Variants in CLEC16A observed in about 807,000 individuals in gnomAD.
The protein encoded by CLEC16A is C-type lectin domain containing 16A, also known as protein CLEC16A.
A neutral mutation model predicts 109.5 loss-of-function variants in CLEC16A; 51 were observed. The ratio of observed to expected loss-of-function variants is 0.47; its 90% confidence interval spans 0.37 to 0.59. The LOEUF (loss-of-function observed/expected upper bound fraction) is 0.59. Ranked by LOEUF, CLEC16A falls within the 20% of genes least tolerant of loss-of-function variation. The pLI, the probability that CLEC16A is intolerant of heterozygous loss-of-function variation, is 0.00. For missense variants in CLEC16A, 1,339 were observed against 1,394.0 expected, an observed-to-expected ratio of 0.96 and a Z score of 0.63; for synonymous variants, 673 against 564.2, an observed-to-expected ratio of 1.19 and a Z score of -2.73.
Position 11,123,774 on chromosome 16 carries a change from C to T in CLEC16A, c.2301C>T (p.Ser767=). ...DMQVTGVEDD[S]RALNITIHKP... ...AGGTGACTGGCGTGGAGGACGACAG[C>T]CGTGCCCTGAACATCACCATCCACA... The change falls in exon 21 of 24, where the codon AGC becomes AGT. Residue 767 remains serine (S), a synonymous_variant. Coordinates refer to ENST00000409790, the MANE Select transcript of CLEC16A (RefSeq NM_015226.3). 6 of 1,614,056 alleles carry T rather than the reference C, an allele frequency of 3.7e-6. No individual in the cohort carries two copies. Among genetic ancestry groups the T allele is most frequent in the Non-Finnish European group, 5.1e-6 (6 of 1,179,900 alleles).
intron 13 of CLEC16A, chr16:11,027,237 C>G: frequency 2.6e-6 from 4 of 1,526,934 alleles, no homozygotes; most frequent in Non-Finnish European, 3.6e-6. Context: ...TCTCAGACGA[C>G]TAGAAGTGAA....
At chr16:10,963,696 G>A (rs962037789) in intron 3 of CLEC16A, among the ~76,000 whole-genome samples, 6 of 152,194 alleles carry the variant, frequency 3.9e-5, no homozygotes, top group Admixed American at 2.6e-4. Flanking sequence ...TGAGAGGCAG[G>A]TGCCATCAGT....
At chr16:10,992,346 A>G (rs771145623) in intron 10 of CLEC16A, among the ~76,000 whole-genome samples, 2 of 151,936 alleles carry the variant, frequency 1.3e-5, no homozygotes, top group Non-Finnish European at 2.9e-5. Flanking sequence ...TATGAGATCA[A>G]CTTTGTTTAG....
At chr16:11,043,972 G>A (rs960072849) in intron 15 of CLEC16A, 56 bp from the exon 16 acceptor site, 13 of 1,448,044 alleles carry the variant, frequency 9.0e-6, no homozygotes, top group African/African-American at 2.8e-5. Context: ...TAGTTTGCCC[G>A]ACTTGCTCAC....
At chr16:11,044,866 C>T (rs377413663) in intron 16 of CLEC16A, among the ~76,000 whole-genome samples, 116 of 147,594 alleles carry the variant, frequency 7.9e-4, no homozygotes, top group African/African-American at 2.9e-3. Flanking sequence ...GCAGAGATTG[C>T]GGCGAGCCAA....
chr16:10,971,008 ATTTTTT>A, intron 4 of CLEC16A, 111 bp from the exon 5 acceptor site: 2 of 506,586 alleles, frequency 3.9e-6, no homozygotes, highest in Admixed American at 3.7e-5. Context: ...CATTGGCAAC[ATTTTTT>A]TTTTTTTTTT....
chr16:11,179,465 A>G lies in CLEC16A; in HGVS notation c.*775A>G, dbSNP rs2068891154. 1 of 152,240 alleles carries G rather than the reference A, an allele frequency of 6.6e-6. No individual in the cohort carries two copies. Among genetic ancestry groups the G allele is most frequent in the Admixed American group, 6.5e-5 (1 of 15,284 alleles). 9.4% of individuals were successfully genotyped at this position (152,240 alleles called of 1,614,324 possible). A position where few individuals can be genotyped will look rare whatever the true frequency, so the allele number is the denominator to read the frequency against. On this transcript the variant is annotated 3_prime_UTR_variant, in exon 24 of 24. Coordinates refer to ENST00000409790, the MANE Select transcript of CLEC16A (RefSeq NM_015226.3). The stretch of plus-strand genomic sequence containing the variant: ...GTACACACAGAGCTGAGAGGGCTGA[A>G]TGGTTTTCTGCTATAGCAGCCGAGA...
intron 18 of CLEC16A, among the ~76,000 whole-genome samples, chr16:11,053,255 A>G (rs1439300174): frequency 6.6e-6 from 1 of 152,180 alleles, no homozygotes; most frequent in Non-Finnish European, 1.5e-5. Flanking sequence ...ATGAACACAT[A>G]GCCTCTGTTA....
intron 19 of CLEC16A, among the ~76,000 whole-genome samples, chr16:11,063,437 C>T (rs2048598300): frequency 6.6e-6 from 1 of 151,974 alleles, no homozygotes; most frequent in African/African-American, 2.4e-5. Context: ...TTGCTTGCTG[C>T]ATGACTGGAA....
intron 22 of CLEC16A, chr16:11,156,717 G>C: frequency 1.6e-6 from 2 of 1,256,928 alleles, no homozygotes; most frequent in Non-Finnish European, 2.1e-6. Context: ...GGCTGGGCGA[G>C]GCAGGGACTG....
chr16:10,946,896 G>A (rs2041410606), intron 1 of CLEC16A, among the ~76,000 whole-genome samples: 1 of 152,180 alleles, frequency 6.6e-6, no homozygotes, highest in Non-Finnish European at 1.5e-5. Flanking sequence ...GGGTACCAGA[G>A]GCAGGATTTG....
At position 11,174,835 on chromosome 16, in the gene CLEC16A, C is replaced by T. The variant is rs993161439; in HGVS notation, c.2807-3500C>T. On this transcript the variant is annotated intron_variant, in intron 23 of 23. Coordinates refer to ENST00000409790, the MANE Select transcript of CLEC16A (RefSeq NM_015226.3). This position sits in a 1 kb window ranked among gnomAD's most constrained non-coding sequence, Gnocchi z 4.7. ...TCATAGACACATGGATGGATGTGGC[C>T]CCACCATCTCCCTTTCTGAGTGGCA... 9.7e-4 allele frequency among the ~76,000 whole-genome samples: 148 copies of T among 152,338 alleles called. No homozygotes were observed. The highest frequency in any genetic ancestry group is 3.2e-3 in the African/African-American group (133 of 41,582).
chr16:11,081,521 T>C (rs1349290366), intron 19 of CLEC16A, among the ~76,000 whole-genome samples: 1 of 152,042 alleles, frequency 6.6e-6, no homozygotes. Context: ...CCTTTCCTTT[T>C]TGCACTAAAA....
Position 11,178,622 on chromosome 16 carries a change from G to A in CLEC16A, c.3094G>A (p.Ala1032Thr), listed in dbSNP as rs74163631. Reference protein sequence around the residue: ...TGMPPLSTPAAACTEPVGEEA... With the variant: ...TGMPPLSTPATACTEPVGEEA... The stretch of plus-strand genomic sequence containing the variant: ...CATGCCCCCGCTGTCCACGCCGGCT[G>A]CCGCCTGCACAGAGCCCGTGGGCGA... The change falls in exon 24 of 24, where the codon GCC becomes ACC. Residue 1032 changes from alanine to threonine, a missense_variant. Transcript: ENST00000409790. This position sits in a 1 kb window ranked among gnomAD's most constrained non-coding sequence, Gnocchi z 6.5. 1.1e-4 allele frequency: 181 copies of A among 1,599,016 alleles called. 1 individual carries two copies. Among genetic ancestry groups the A allele is most frequent in the Admixed American group, 2.2e-4 (13 of 59,342 alleles).
Position 11,174,843 on chromosome 16 carries a change from C to T in CLEC16A, c.2807-3492C>T, listed in dbSNP as rs561220963. On this transcript the variant is annotated intron_variant, in intron 23 of 23. Coordinates refer to ENST00000409790, the MANE Select transcript of CLEC16A (RefSeq NM_015226.3). The surrounding 1 kb of genome is among the most constrained non-coding windows in gnomAD (Gnocchi z 4.7). ...ACATGGATGGATGTGGCCCCACCAT[C>T]TCCCTTTCTGAGTGGCACCCACACA... Among the ~76,000 whole-genome samples the T allele has an allele frequency of 2.0e-5, 3 of 152,366 alleles. No individual in the cohort carries two copies. The highest frequency in any genetic ancestry group is 6.5e-5 in the Admixed American group (1 of 15,310).
chr16:11,181,131 A>C lies in CLEC16A; in HGVS notation c.*2441A>C, dbSNP rs982682030. On this transcript the variant is annotated 3_prime_UTR_variant, in exon 24 of 24. Transcript: ENST00000409790. ...GCTTATGTAAGGAGGTCTGGGAGCC[A>C]GCCCATTGGAGGCCACCAGCCATTT... 6 of 152,204 alleles carry C rather than the reference A, an allele frequency of 3.9e-5. No individual in the cohort carries two copies. The highest frequency in any genetic ancestry group is 1.2e-4 in the African/African-American group (5 of 41,388). The allele number at this position is 152,204 out of a possible 1,614,324, so 9.4% of individuals were successfully genotyped here. A position where few individuals can be genotyped will look rare whatever the true frequency, so the allele number is the denominator to read the frequency against.
At chr16:11,167,326 G>C (rs77309215) in intron 23 of CLEC16A, among the ~76,000 whole-genome samples, 8,395 of 152,180 alleles carry the variant, frequency 0.055, 322 homozygotes, top group Non-Finnish European at 0.083. Flanking sequence ...GGGTCGGGGG[G>C]TCACACCAAC....
chr16:10,967,140 G>T (rs1048320965), intron 3 of CLEC16A, among the ~76,000 whole-genome samples: 1 of 152,120 alleles, frequency 6.6e-6, no homozygotes, highest in African/African-American at 2.4e-5. Flanking sequence ...AGTGCACAGT[G>T]GCTTTTCTGA....
intron 19 of CLEC16A, among the ~76,000 whole-genome samples, chr16:11,102,577 A>G (rs1315319785): frequency 2.0e-5 from 3 of 152,220 alleles, no homozygotes; most frequent in Non-Finnish European, 4.4e-5. Flanking sequence ...TTCCCATCAG[A>G]AAAGAGGCAT....
Sources: allele counts gnomAD v4.1 joint callset (sites outside exome capture counted in the v4.1 genomes callset), GRCh38; gene constraint gnomAD v4.1.1; non-coding constraint Gnocchi (gnomAD v3.1); transcripts MANE v1.5; gene names NCBI Gene and HGNC (gene_info 2026-07-23, HGNC 2026-07-21).